The following COMMD5 variants were observed in gnomAD, a reference collection of about 807,000 sequenced individuals.
COMMD5 encodes the protein COMM domain containing 5.
Under a neutral mutation model 6.9 loss-of-function variants are expected in COMMD5, and 10 were observed. The observed-to-expected ratio is 1.44, with a 90% CI of 0.89 to 2.45. The LOEUF is 2.45. COMMD5 is among the 30% of genes most tolerant of loss of function. The pLI, the probability that COMMD5 is intolerant of heterozygous loss-of-function variation, is 0.00. For synonymous variants in COMMD5, 127 were observed against 125.3 expected (o/e 1.01, Z -0.09); for missense variants, 234 against 287.8 (o/e 0.81, Z 1.35).
downstream of COMMD5, chr8:144,838,376 A>C: frequency 2.0e-6 from 1 of 489,284 alleles, no homozygotes; most frequent in Non-Finnish European, 3.6e-6. Context: ...CTCAGCCCTA[A>C]CCAGGGCACC....
At chr8:144,840,063 T>C (rs1375076658), downstream of COMMD5, among the ~76,000 whole-genome samples, 1 of 152,236 alleles carries the variant, frequency 6.6e-6, no homozygotes, top group Non-Finnish European at 1.5e-5. Flanking sequence ...GCCTCCCAAG[T>C]AGCCGGGATT....
downstream of COMMD5, among the ~76,000 whole-genome samples, chr8:144,839,082 C>A (rs1263300092): frequency 8.1e-5 from 2 of 24,634 alleles, no homozygotes; most frequent in African/African-American, 3.3e-4. Flanking sequence ...GGGCTGTGAC[C>A]TTACTTCCAT....
chr8:144,841,453 T>C (rs761133973), exon 2 of COMMD5: 1 of 1,614,258 alleles, frequency 6.2e-7, no homozygotes, highest in Non-Finnish European at 8.5e-7. Flanking sequence ...CCCACAGGAC[T>C]TTCCTCAGAA....
chr8:144,846,108 C>T, downstream of COMMD5: 1 of 1,523,078 alleles, frequency 6.6e-7, no homozygotes, highest in Non-Finnish European at 8.7e-7. Flanking sequence ...CTCTCGTCAT[C>T]TCCTCTTGGC....
At chr8:144,839,767 C>T (rs974442603), downstream of COMMD5, among the ~76,000 whole-genome samples, 1 of 152,186 alleles carries the variant, frequency 6.6e-6, no homozygotes, top group African/African-American at 2.4e-5. Flanking sequence ...CCAGCTGGTA[C>T]AGTCAGCATC....
At chr8:144,847,789 A>T (rs773928327), downstream of COMMD5, among the ~76,000 whole-genome samples, 4 of 152,218 alleles carry the variant, frequency 2.6e-5, no homozygotes, top group Non-Finnish European at 5.9e-5. Context: ...TTCCACAGAG[A>T]ACTAAGGCCA....
chr8:144,840,868 C>T (rs542009698), downstream of COMMD5, among the ~76,000 whole-genome samples: 3 of 152,310 alleles, frequency 2.0e-5, no homozygotes, highest in East Asian at 5.8e-4. Context: ...GCCCAGTGCT[C>T]TTCTGAGCTC....
At position 144,851,372 on chromosome 8, in the gene COMMD5, G is replaced by A; in HGVS notation, c.-34C>T. The A allele has an allele frequency of 6.3e-7, 1 of 1,577,368 alleles. No individual in the cohort carries two copies. The highest frequency in any genetic ancestry group is 8.6e-7 in the Non-Finnish European group (1 of 1,158,826). On this transcript the variant is annotated 5_prime_UTR_variant, in exon 2 of 2. Transcript: ENST00000305103. ...CTTCCTCTTTGATCAGCCAGCCCAG[G>A]AGGTCGGTCCCAGATGCAGATGCCT...
At chr8:144,844,999 A>G (rs753514614) in intron 1 of COMMD5, among the ~76,000 whole-genome samples, 2 of 152,138 alleles carry the variant, frequency 1.3e-5, no homozygotes, top group Non-Finnish European at 2.9e-5. Flanking sequence ...AGCAGACCAC[A>G]GGGTGAAAGG....
downstream of COMMD5, among the ~76,000 whole-genome samples, chr8:144,849,367 T>C (rs1830639564): frequency 6.6e-6 from 1 of 151,980 alleles, no homozygotes; most frequent in Admixed American, 6.6e-5. Flanking sequence ...GCACCTGGGC[T>C]CCTCCCAGAG....
At chr8:144,842,149 C>T in intron 1 of COMMD5, 2 of 1,613,598 alleles carry the variant, frequency 1.2e-6, no homozygotes, top group Non-Finnish European at 1.7e-6. Flanking sequence ...CCAGCAGTCG[C>T]AGCTGGTTAG....
At chr8:144,844,987 C>G (rs939352362) in intron 1 of COMMD5, among the ~76,000 whole-genome samples, 1 of 151,844 alleles carries the variant, frequency 6.6e-6, no homozygotes, top group Non-Finnish European at 1.5e-5. Flanking sequence ...TGGGGGTAGA[C>G]CAGCAGACCA....
intron 1 of COMMD5, chr8:144,841,934 A>G: frequency 1.2e-6 from 2 of 1,614,064 alleles, no homozygotes; most frequent in Admixed American, 1.7e-5. Flanking sequence ...ACGGGAGAGA[A>G]ACCCTTTAAA....
At chr8:144,844,413 G>A (rs191531266) in intron 1 of COMMD5, among the ~76,000 whole-genome samples, 2 of 152,180 alleles carry the variant, frequency 1.3e-5, no homozygotes, top group Non-Finnish European at 2.9e-5. Flanking sequence ...AGACAGTGGA[G>A]AAAAAGACGA....
rs1245500844 is a variant in COMMD5, at chr8:144,841,538, C to G, written c.*322G>C. The G allele has an allele frequency of 3.1e-6, 5 of 1,614,054 alleles. No individual in the cohort carries two copies. The Admixed American group carries it at 6.7e-5, about 22-fold the overall frequency. The stretch of plus-strand genomic sequence containing the variant: ...CTGGGCAGTCCCGGGCTGAAAGTGA[C>G]AGGCTTTACCTTCCAAAATAACTGT... On this transcript the variant is annotated 3_prime_UTR_variant and NMD_transcript_variant, in exon 2 of 2. Coordinates refer to the COMMD5 transcript ENST00000530332.
downstream of COMMD5, chr8:144,846,166 A>G (rs1830502400): frequency 6.5e-7 from 1 of 1,535,980 alleles, no homozygotes; most frequent in Admixed American, 2.0e-5. Context: ...CGTCAGCCAT[A>G]TGGATGGTCT....
At position 144,841,657 on chromosome 8, in the gene COMMD5, C is replaced by G; in HGVS notation, c.*203G>C. 1 of 1,614,174 alleles carries G rather than the reference C, an allele frequency of 6.2e-7. No individual in the cohort carries two copies. Among genetic ancestry groups the G allele is most frequent in the East Asian group, 2.2e-5 (1 of 44,890 alleles). On this transcript the variant is annotated 3_prime_UTR_variant and NMD_transcript_variant, in exon 2 of 2. Transcript: ENST00000530332. ...AAGCAGCGGCCTGGATTGTCAGCCT[C>G]TTGAAAGTCAGGGAGAGAGTGCGGA...
Position 144,851,326 on chromosome 8 carries a change from C to G in COMMD5, c.13G>C (p.Gly5Arg), listed in dbSNP as rs767832589. The G allele has an allele frequency of 8.7e-6, 14 of 1,606,610 alleles. No homozygotes were observed. The highest frequency in any genetic ancestry group is 1.2e-5 in the Non-Finnish European group (14 of 1,174,680). Residue 5 changes from glycine to arginine, a missense_variant, in exon 2 of 2, where the codon GGG becomes CGG. By Grantham distance (125) the Gly-to-Arg change is moderately radical. Coordinates refer to ENST00000305103, the MANE Select transcript of COMMD5 (RefSeq NM_014066.4). ...TGATGCAGGTATGGAGTTGCAGCCC[C>G]CACAGCAGACATTGCTGCTGCTTCC... The part of the protein sequence containing the change: MSAV[G>R]AATPYLHHPG...
intron 1 of COMMD5, chr8:144,843,159 C>T: frequency 6.3e-7 from 1 of 1,587,074 alleles, no homozygotes; most frequent in Non-Finnish European, 8.6e-7. Flanking sequence ...AAAAAATTCA[C>T]ATGGGATAGA....
Sources: gnomAD v4.1 joint callset for allele counts (sites outside exome capture counted in the v4.1 genomes callset) on GRCh38, gnomAD v4.1.1 for gene constraint, MANE v1.5 for transcripts, NCBI Gene and HGNC (gene_info 2026-07-23, HGNC 2026-07-21) for gene names.